SLC25A48: variants seen among roughly 807,000 people sequenced by gnomAD.
SLC25A48 encodes solute carrier family 25 member 48.
SLC25A48 carries 29 observed loss-of-function variants against 32.2 expected under a neutral mutation model. That is an observed-to-expected ratio of 0.90 (90% confidence interval 0.67 to 1.23). The LOEUF is 1.23. Ranked by LOEUF, SLC25A48 falls within the 50% of genes most tolerant of loss-of-function variation. The pLI, the probability that SLC25A48 is intolerant of heterozygous loss-of-function variation, is 0.00. For synonymous variants in SLC25A48, 164 were observed against 172.3 expected, an observed-to-expected ratio of 0.95 and a Z score of 0.38; for missense variants, 399 against 422.7, an observed-to-expected ratio of 0.94 and a Z score of 0.49.
At chr5:135,735,981 T>A (rs1182130054) in intron 3 of SLC25A48, among the ~76,000 whole-genome samples, 1 of 151,850 alleles carries the variant, frequency 6.6e-6, no homozygotes, top group Non-Finnish European at 1.5e-5. Flanking sequence ...AGACTGGGTG[T>A]GAGGATGGGA....
At chr5:135,659,054 T>C in intron 3 of SLC25A48, among the ~76,000 whole-genome samples, 1 of 152,252 alleles carries the variant, frequency 6.6e-6, no homozygotes, top group East Asian at 1.9e-4. Context: ...TCTGCTCCCT[T>C]GAGTTTTTCT....
At chr5:135,880,707 C>A (rs1247241339) in intron 7 of SLC25A48, among the ~76,000 whole-genome samples, 3 of 152,136 alleles carry the variant, frequency 2.0e-5, no homozygotes, top group Admixed American at 1.3e-4. Context: ...AAAGCCTTCA[C>A]CCTGCTTCCG....
intron 3 of SLC25A48, among the ~76,000 whole-genome samples, chr5:135,704,068 C>A (rs1312410009): frequency 1.3e-5 from 2 of 152,186 alleles, no homozygotes; most frequent in Non-Finnish European, 2.9e-5. Context: ...CTGTCACATT[C>A]CATTTTGGAC....
chr5:135,887,567 T>C (rs374875353), intron 7 of SLC25A48, among the ~76,000 whole-genome samples: 9 of 151,704 alleles, frequency 5.9e-5, no homozygotes, highest in African/African-American at 2.2e-4. Context: ...GCAGTAGAGG[T>C]CAACTAAACC....
chr5:135,617,824 GT>G, intron 1 of SLC25A48, among the ~76,000 whole-genome samples: 1 of 151,504 alleles, frequency 6.6e-6, no homozygotes, highest in East Asian at 1.9e-4. Context: ...TATGATTTTG[GT>G]TTTAAAAAAA....
At chr5:135,765,701 G>A (rs1308023903) in intron 3 of SLC25A48, among the ~76,000 whole-genome samples, 3 of 151,496 alleles carry the variant, frequency 2.0e-5, no homozygotes, top group South Asian at 2.1e-4. Context: ...TTAAGGGGAA[G>A]AGGGTGATAT....
intron 1 of SLC25A48, among the ~76,000 whole-genome samples, chr5:135,604,598 A>G (rs551512316): frequency 2.6e-5 from 4 of 152,312 alleles, no homozygotes; most frequent in Non-Finnish European, 5.9e-5. Flanking sequence ...TCCCACCCCA[A>G]CCTTGTAGTT....
At chr5:135,584,602 C>T (rs993103617) in intron 1 of SLC25A48, among the ~76,000 whole-genome samples, 6 of 152,222 alleles carry the variant, frequency 3.9e-5, no homozygotes, top group African/African-American at 1.2e-4. Context: ...GGTATCCAGA[C>T]TGTTTGAAGT....
chr5:135,846,164 C>G (rs935694851), intron 2 of SLC25A48, among the ~76,000 whole-genome samples: 1 of 152,196 alleles, frequency 6.6e-6, no homozygotes, highest in Admixed American at 6.5e-5. Context: ...GTTGCCCGCT[C>G]TTTATGAGAA....
intron 3 of SLC25A48, among the ~76,000 whole-genome samples, chr5:135,797,618 C>T (rs1312384365): frequency 6.6e-6 from 1 of 151,726 alleles, no homozygotes; most frequent in Non-Finnish European, 1.5e-5. Flanking sequence ...GGTGATATGA[C>T]TTCCAGTATC....
chr5:135,627,899 A>G (rs1351774820), intron 1 of SLC25A48, among the ~76,000 whole-genome samples: 1 of 152,130 alleles, frequency 6.6e-6, no homozygotes, highest in African/African-American at 2.4e-5. Context: ...CTCAGCAAAA[A>G]GACTCTATGC....
At chr5:135,862,933 A>C (rs1361853045) in intron 4 of SLC25A48, among the ~76,000 whole-genome samples, 1 of 152,144 alleles carries the variant, frequency 6.6e-6, no homozygotes, top group African/African-American at 2.4e-5. Context: ...CACTTTGGAC[A>C]CCAGAATGAT....
intron 3 of SLC25A48, among the ~76,000 whole-genome samples, chr5:135,645,900 A>C (rs1752947229): frequency 6.6e-6 from 1 of 152,232 alleles, no homozygotes; most frequent in African/African-American, 2.4e-5. Context: ...CTGGCAGTGA[A>C]GTTCAGGGCC....
intron 2 of SLC25A48, among the ~76,000 whole-genome samples, chr5:135,849,395 G>A (rs970852221): frequency 3.3e-5 from 5 of 152,134 alleles, no homozygotes; most frequent in Admixed American, 6.5e-5. Flanking sequence ...TAGGCTGCAC[G>A]TCTTAAAAGA....
chr5:135,647,921 T>G (rs1753010737), intron 3 of SLC25A48, among the ~76,000 whole-genome samples: 1 of 152,166 alleles, frequency 6.6e-6, no homozygotes, highest in Non-Finnish European at 1.5e-5. Context: ...TTTCATTTCC[T>G]GCCTTGGGCC....
intron 3 of SLC25A48, among the ~76,000 whole-genome samples, chr5:135,774,746 AC>A (rs35193298): frequency 0.3 from 45,752 of 150,404 alleles, 7,045 homozygotes; most frequent in East Asian, 0.46. Flanking sequence ...GGGAGTGTAC[AC>A]CCCCCCCGTG....
At chr5:135,850,642 A>G in intron 3 of SLC25A48, 146 bp downstream of exon 3, 1 of 693,556 alleles carries the variant, frequency 1.4e-6, no homozygotes, top group Non-Finnish European at 2.5e-6. Context: ...TTCATCTCAC[A>G]CCACACCTCA....
intron 3 of SLC25A48, among the ~76,000 whole-genome samples, chr5:135,697,369 G>C (rs1006381744): frequency 6.6e-6 from 1 of 152,172 alleles, no homozygotes; most frequent in African/African-American, 2.4e-5. Flanking sequence ...AAGGGTTGTT[G>C]GGCTTGGTAG....
intron 2 of SLC25A48, among the ~76,000 whole-genome samples, chr5:135,631,055 C>G (rs577257013): frequency 6.6e-6 from 1 of 152,288 alleles, no homozygotes; most frequent in East Asian, 1.9e-4. Context: ...CCTTGTCTTC[C>G]TGCATCGACC....
Sources: allele counts gnomAD v4.1 joint callset (sites outside exome capture counted in the v4.1 genomes callset), GRCh38; gene constraint gnomAD v4.1.1; transcripts MANE v1.5; gene names NCBI Gene and HGNC (gene_info 2026-07-23, HGNC 2026-07-21).